The following SSBP3 variants were observed in gnomAD, a reference collection of about 807,000 sequenced individuals.
The protein encoded by SSBP3 is single-stranded DNA-binding protein 3.
Under a neutral mutation model 69.6 loss-of-function variants are expected in SSBP3, and 5 were observed. The ratio of observed to expected loss-of-function variants is 0.07; its 90% CI spans 0.04 to 0.15. SSBP3 has a LOEUF of 0.15. Ranked by LOEUF, SSBP3 falls within the 10% of genes least tolerant of loss-of-function variation. The pLI, the probability that SSBP3 is intolerant of heterozygous loss-of-function variation, is 1.00. For missense variants in SSBP3, 312 were observed against 534.0 expected (o/e 0.58, Z 4.10); for synonymous variants, 196 against 193.4 (o/e 1.01, Z -0.11).
chr1:54,306,356 C>T (rs1645901985), intron 4 of SSBP3, among the ~76,000 whole-genome samples: 1 of 152,232 alleles, frequency 6.6e-6, no homozygotes, highest in Non-Finnish European at 1.5e-5. Context: ...CAGGGGACAG[C>T]TACAAGTCCA....
chr1:54,335,451 C>T (rs911416989), intron 4 of SSBP3, among the ~76,000 whole-genome samples: 2 of 152,150 alleles, frequency 1.3e-5, no homozygotes, highest in Non-Finnish European at 2.9e-5. Context: ...CTCTGGGCCC[C>T]GGCAACTGTG....
intron 9 of SSBP3, among the ~76,000 whole-genome samples, chr1:54,249,834 T>A (rs1644796775): frequency 6.7e-6 from 1 of 150,154 alleles, no homozygotes; most frequent in South Asian, 2.1e-4. Flanking sequence ...CCAACAGCCC[T>A]CCAGGTCAGG....
intron 5 of SSBP3, among the ~76,000 whole-genome samples, chr1:54,275,725 G>A (rs1161584158): frequency 6.6e-6 from 1 of 152,216 alleles, no homozygotes; most frequent in African/African-American, 2.4e-5. Context: ...TCCATACAAT[G>A]ATTCAAATTG....
chr1:54,354,802 A>T (rs1646837569), intron 4 of SSBP3, among the ~76,000 whole-genome samples: 1 of 152,204 alleles, frequency 6.6e-6, no homozygotes, highest in African/African-American at 2.4e-5. Context: ...CTAATGTAAC[A>T]CACAACTCTG....
intron 5 of SSBP3, among the ~76,000 whole-genome samples, chr1:54,278,326 CTT>C (rs57603297): frequency 1.7e-4 from 25 of 145,242 alleles, no homozygotes; most frequent in South Asian, 2.2e-4. Context: ...AATATTAGGG[CTT>C]TTTTTTTTTT....
At chr1:54,256,856 C>A (rs180971922) in intron 7 of SSBP3, among the ~76,000 whole-genome samples, 1 of 152,180 alleles carries the variant, frequency 6.6e-6, no homozygotes, top group Non-Finnish European at 1.5e-5. Context: ...ACCCTGCAAT[C>A]CCAGATGCGC....
chr1:54,313,546 C>T (rs1387911627), intron 4 of SSBP3, among the ~76,000 whole-genome samples: 1 of 150,336 alleles, frequency 6.7e-6, no homozygotes, highest in Non-Finnish European at 1.5e-5. Flanking sequence ...CTCAGCCTCC[C>T]GAGTAGCTAT....
intron 4 of SSBP3, among the ~76,000 whole-genome samples, chr1:54,294,598 GAAGAC>G (rs1351362410): frequency 6.6e-6 from 1 of 152,222 alleles, no homozygotes; most frequent in Non-Finnish European, 1.5e-5. Flanking sequence ...CACAGTGGAA[GAAGAC>G]AAGACCAGCC....
At chr1:54,269,431 T>C (rs1382418945) in intron 5 of SSBP3, among the ~76,000 whole-genome samples, 1 of 152,144 alleles carries the variant, frequency 6.6e-6, no homozygotes, top group East Asian at 1.9e-4. Context: ...GTGGGGACAC[T>C]ATGGTCCAGG....
At chr1:54,307,360 G>A (rs1645919430) in intron 4 of SSBP3, among the ~76,000 whole-genome samples, 1 of 152,124 alleles carries the variant, frequency 6.6e-6, no homozygotes, top group Admixed American at 6.5e-5. Flanking sequence ...CCTGATCCAG[G>A]GAGAACCAAC....
At chr1:54,394,996 CCCGG>C (rs1303317544) in intron 4 of SSBP3, among the ~76,000 whole-genome samples, 2 of 151,556 alleles carry the variant, frequency 1.3e-5, no homozygotes, top group African/African-American at 2.4e-5. Flanking sequence ...AGCCACCGCG[CCCGG>C]CTAAGACTCC....
Position 54,406,019 on chromosome 1 carries a change from G to A in SSBP3, c.-11C>T, listed in dbSNP as rs772289538. On this transcript the variant is annotated 5_prime_UTR_variant, in exon 1 of 18. Transcript: ENST00000610401. ...GCCTTTGGCAAACATGGTTTGCAGG[G>A]AAGAGGGCGCCGAGCCTCGCCGCCG... 1.5e-4 allele frequency: 227 copies of A among 1,470,222 alleles called. 1 individual carries two copies. The highest frequency in any genetic ancestry group is 1.9e-4 in the Non-Finnish European group (215 of 1,105,686). 91.1% of individuals were successfully genotyped at this position (1,470,222 alleles called of 1,614,324 possible). A position where few individuals can be genotyped will look rare whatever the true frequency, so the allele number is the denominator to read the frequency against.
At chr1:54,346,112 G>GA (rs1277584994) in intron 4 of SSBP3, among the ~76,000 whole-genome samples, 5 of 151,674 alleles carry the variant, frequency 3.3e-5, no homozygotes, top group Non-Finnish European at 7.4e-5. Flanking sequence ...GCAGTGAGCT[G>GA]AGATCGTGCC....
At chr1:54,239,328 T>C in intron 13 of SSBP3, 129 bp from the exon 14 acceptor site, 1 of 692,306 alleles carries the variant, frequency 1.4e-6, no homozygotes. Context: ...CACCATTTTC[T>C]GGCTAATTTG....
chr1:54,262,496 T>C (rs1645033608), intron 5 of SSBP3, among the ~76,000 whole-genome samples: 1 of 152,166 alleles, frequency 6.6e-6, no homozygotes, highest in Non-Finnish European at 1.5e-5. Context: ...TGACCTCCTA[T>C]GTGGCCAGCC....
rs963962830 is a variant in SSBP3, at chr1:54,256,992, T to C, written c.507+135A>G. The C allele has an allele frequency of 4.5e-5, 39 of 860,726 alleles. 1 individual carries two copies. Among genetic ancestry groups the C allele is most frequent in the Non-Finnish European group, 6.6e-5 (37 of 557,344 alleles). 53.3% of individuals were successfully genotyped at this position (860,726 alleles called of 1,614,324 possible). On this transcript the variant is annotated intron_variant, in intron 7 of 17. Transcript: ENST00000610401. ...CATGGGGCCCTCTCTGGGGAACAGC[T>C]AGTAAGCTACCAGCCACGTTAAACC...
chr1:54,231,654 T>C (rs1196556937), intron 14 of SSBP3, among the ~76,000 whole-genome samples: 1 of 152,240 alleles, frequency 6.6e-6, no homozygotes, highest in Non-Finnish European at 1.5e-5. Flanking sequence ...GTTTCAGCTC[T>C]AACATTTAGA....
At chr1:54,392,236 G>A (rs72665964) in intron 4 of SSBP3, among the ~76,000 whole-genome samples, 27 of 152,218 alleles carry the variant, frequency 1.8e-4, no homozygotes, top group Admixed American at 4.6e-4. Flanking sequence ...ACAATTTCCC[G>A]AGAACTCTCT....
At chr1:54,266,649 TGTAAGACA>T (rs1645107822) in intron 5 of SSBP3, among the ~76,000 whole-genome samples, 1 of 152,206 alleles carries the variant, frequency 6.6e-6, no homozygotes, top group Non-Finnish European at 1.5e-5. Flanking sequence ...ACATTTCTCT[TGTAAGACA>T]AATGAAGCAA....
Sources: allele counts gnomAD v4.1 joint callset (sites outside exome capture counted in the v4.1 genomes callset), GRCh38; gene constraint gnomAD v4.1.1; transcripts MANE v1.5; gene names NCBI Gene and HGNC (gene_info 2026-07-23, HGNC 2026-07-21).